FOXP1: variants seen among roughly 807,000 people sequenced by gnomAD.
The protein encoded by FOXP1 is forkhead box protein P1.
In FOXP1, 15 loss-of-function variants were observed where a neutral mutation model predicts 98.2. The observed-to-expected ratio is 0.15, with a 90% confidence interval of 0.10 to 0.24. FOXP1 has a LOEUF of 0.24. Among genes scored for constraint, FOXP1 ranks in the 10% least tolerant of loss-of-function variants. FOXP1 has a pLI of 1.00. For synonymous variants in FOXP1, 371 were observed against 314.5 expected, an observed-to-expected ratio of 1.18 and a Z score of -1.90; for missense variants, 633 against 848.5, an observed-to-expected ratio of 0.75 and a Z score of 3.15.
At chr3:71,210,436 C>G (rs2064365405) in intron 5 of FOXP1, among the ~76,000 whole-genome samples, 1 of 152,192 alleles carries the variant, frequency 6.6e-6, no homozygotes, top group Admixed American at 6.5e-5. Context: ...AAAATTTCCA[C>G]TGAGCATTCA....
intron 4 of FOXP1, among the ~76,000 whole-genome samples, chr3:71,336,103 C>T (rs865949292): frequency 3.0e-4 from 44 of 144,796 alleles, no homozygotes; most frequent in Middle Eastern, 7.5e-3. Context: ...TATGAAAGAC[C>T]GTAGGGTCAT....
Position 71,064,751 on chromosome 3 carries a change from C to T in FOXP1, c.283-10978G>A, listed in dbSNP as rs1299216648. The T allele has an allele frequency of 4.1e-6, 4 of 972,360 alleles. No individual in the cohort carries two copies. In the African/African-American group the frequency reaches 5.3e-5, roughly 13 times the overall value. 60.2% of individuals were successfully genotyped at this position (972,360 alleles called of 1,614,324 possible). On this transcript the variant is annotated intron_variant, in intron 7 of 20. Coordinates refer to ENST00000649528, the MANE Select transcript of FOXP1 (RefSeq NM_001349338.3). ...GGCTCTCCTGCCTTCCCCAGCGAGG[C>T]CCCCAGGAAGCGGGCGCCGCGGAGC...
intron 13 of FOXP1, among the ~76,000 whole-genome samples, chr3:70,996,976 G>A (rs2041461492): frequency 6.6e-6 from 1 of 152,236 alleles, no homozygotes; most frequent in Non-Finnish European, 1.5e-5. Flanking sequence ...GTAGTGCTAC[G>A]TGGGACAAAT....
intron 13 of FOXP1, among the ~76,000 whole-genome samples, chr3:71,000,587 A>G (rs1403924835): frequency 3.3e-5 from 5 of 151,934 alleles, no homozygotes; most frequent in Non-Finnish European, 7.4e-5. Flanking sequence ...CAGTTTAATC[A>G]TATGAGCAAC....
intron 3 of FOXP1, among the ~76,000 whole-genome samples, chr3:71,366,850 T>A (rs948356579): frequency 2.0e-5 from 3 of 152,196 alleles, no homozygotes; most frequent in African/African-American, 7.2e-5. Flanking sequence ...CTTAATGAGA[T>A]TCCCTAAATA....
intron 3 of FOXP1, among the ~76,000 whole-genome samples, chr3:71,363,105 T>C (rs1027636573): frequency 1.3e-5 from 2 of 151,380 alleles, no homozygotes; most frequent in African/African-American, 4.9e-5. Context: ...ATTCATATAA[T>C]CATGATGTAA....
intron 7 of FOXP1, among the ~76,000 whole-genome samples, chr3:71,111,370 T>C (rs1158142343): frequency 1.3e-5 from 2 of 152,162 alleles, no homozygotes; most frequent in African/African-American, 2.4e-5. Flanking sequence ...TACAATTTTC[T>C]ACTTTGAGTC....
chr3:71,166,382 G>A (rs72951373), intron 6 of FOXP1, among the ~76,000 whole-genome samples: 7,145 of 152,188 alleles, frequency 0.047, 577 homozygotes, highest in African/African-American at 0.16. Context: ...AAAGATTCAC[G>A]CAGTTCCATT....
At chr3:71,024,577 T>C (rs2045874568) in intron 11 of FOXP1, among the ~76,000 whole-genome samples, 1 of 152,178 alleles carries the variant, frequency 6.6e-6, no homozygotes, top group Non-Finnish European at 1.5e-5. Context: ...CAGGGAATCC[T>C]TGACTCTCCT....
At position 70,959,192 on chromosome 3, in the gene FOXP1, T is replaced by TTC; in HGVS notation, c.*54_*55insGA. 6.7e-7 allele frequency: 1 copy of TTC among 1,494,200 alleles called. No individual in the cohort carries two copies. Among genetic ancestry groups the TTC allele is most frequent in the Non-Finnish European group, 9.2e-7 (1 of 1,085,058 alleles). 92.6% of individuals were successfully genotyped at this position (1,494,200 alleles called of 1,614,324 possible). On this transcript the variant is annotated 3_prime_UTR_variant, in exon 21 of 21. Transcript: ENST00000649528. ...ATTTCACTGCTAACTTTTGACGTGT[T>TTC]TTTTTTTTTTTCCTTTTTCCAATCT...
chr3:70,966,042 C>T lies in FOXP1; in HGVS notation c.1737G>A (p.Glu579=), dbSNP rs756328632. 2.5e-6 allele frequency: 4 copies of T among 1,614,116 alleles called. No homozygotes were observed. The highest frequency in any genetic ancestry group is 1.1e-5 in the South Asian group (1 of 91,076). Residue 579 remains glutamate (E), a synonymous_variant, in exon 20 of 21, where the codon GAG becomes GAA. Coordinates refer to ENST00000649528, the MANE Select transcript of FOXP1 (RefSeq NM_001349338.3). The stretch of plus-strand genomic sequence containing the variant: ...CGGTAGTGTATAGAGGTATACTATT[C>T]TCAGCCATTGAAGCCTGTCATCAAC... ...LNAALQASMA[E]NSIPLYTTAS...
At chr3:71,164,545 A>G (rs2061313800) in intron 6 of FOXP1, among the ~76,000 whole-genome samples, 1 of 152,212 alleles carries the variant, frequency 6.6e-6, no homozygotes, top group Non-Finnish European at 1.5e-5. Flanking sequence ...GCTCCAAAGG[A>G]GAAAACACAT....
At chr3:71,251,533 CAA>C (rs1477608680) in intron 5 of FOXP1, among the ~76,000 whole-genome samples, 1 of 152,146 alleles carries the variant, frequency 6.6e-6, no homozygotes, top group Non-Finnish European at 1.5e-5. Flanking sequence ...AATACAGAAC[CAA>C]AGACCATTTG....
intron 3 of FOXP1, among the ~76,000 whole-genome samples, chr3:71,422,079 C>T (rs1196602644): frequency 6.6e-6 from 1 of 152,214 alleles, no homozygotes. Flanking sequence ...CTTTCAAGCA[C>T]TGCGACATCT....
intron 2 of FOXP1, among the ~76,000 whole-genome samples, chr3:71,564,582 C>T (rs532529609): frequency 2.2e-4 from 33 of 152,358 alleles, no homozygotes; most frequent in Non-Finnish European, 3.8e-4. Flanking sequence ...GTAACTACCA[C>T]GTTGCAGTGT....
At chr3:71,540,624 T>G (rs2044726872) in intron 2 of FOXP1, among the ~76,000 whole-genome samples, 1 of 152,206 alleles carries the variant, frequency 6.6e-6, no homozygotes, top group Non-Finnish European at 1.5e-5. Flanking sequence ...AAGGCAAGTA[T>G]TATTATCATC....
intron 5 of FOXP1, among the ~76,000 whole-genome samples, chr3:71,230,741 T>G (rs547202655): frequency 6.6e-6 from 1 of 152,220 alleles, no homozygotes; most frequent in East Asian, 1.9e-4. Flanking sequence ...AAGAGAAAAC[T>G]CTACACATGT....
At chr3:71,387,221 G>A (rs1025007322) in intron 3 of FOXP1, among the ~76,000 whole-genome samples, 3 of 152,126 alleles carry the variant, frequency 2.0e-5, no homozygotes, top group African/African-American at 4.8e-5. Context: ...CTTTTTCAAA[G>A]TTGCCTACAT....
chr3:71,560,284 A>C (rs2046439189), intron 2 of FOXP1, among the ~76,000 whole-genome samples: 1 of 152,200 alleles, frequency 6.6e-6, no homozygotes, highest in African/African-American at 2.4e-5. Context: ...TCCTGCAATA[A>C]AGATTATGTT....
Sources: allele counts gnomAD v4.1 joint callset (sites outside exome capture counted in the v4.1 genomes callset), GRCh38; gene constraint gnomAD v4.1.1; transcripts MANE v1.5; gene names NCBI Gene and HGNC (gene_info 2026-07-23, HGNC 2026-07-21).